The following PTPRT variants were observed in gnomAD, a reference collection of about 807,000 sequenced individuals.
PTPRT encodes the protein protein tyrosine phosphatase receptor type T.
Under a neutral mutation model 176.8 loss-of-function variants are expected in PTPRT, and 56 were observed. The ratio of observed to expected loss-of-function variants is 0.32; its 90% CI spans 0.26 to 0.40. The LOEUF (loss-of-function observed/expected upper bound fraction) is 0.40, where lower values mean the gene tolerates loss of function less well. Among genes scored for constraint, PTPRT ranks in the 10% least tolerant of loss-of-function variants. The pLI, the probability that PTPRT is intolerant of heterozygous loss-of-function variation, is 1.00. For synonymous variants in PTPRT, 783 were observed against 739.0 expected (o/e 1.06, Z -0.96); for missense variants, 1,540 against 1,908.2 (o/e 0.81, Z 3.60).
intron 1 of PTPRT, among the ~76,000 whole-genome samples, chr20:43,134,291 AC>A (rs1262704653): frequency 6.6e-6 from 1 of 152,198 alleles, no homozygotes; most frequent in Non-Finnish European, 1.5e-5. Context: ...AGGCTTCTGA[AC>A]CTTTTCCTTG....
At chr20:42,690,583 C>T (rs2075777402) in intron 6 of PTPRT, among the ~76,000 whole-genome samples, 1 of 152,198 alleles carries the variant, frequency 6.6e-6, no homozygotes, top group South Asian at 2.1e-4. Flanking sequence ...AATGCCTGCG[C>T]AGCCCACATA....
intron 9 of PTPRT, among the ~76,000 whole-genome samples, chr20:42,370,558 C>G (rs1241466154): frequency 6.6e-6 from 1 of 152,148 alleles, no homozygotes; most frequent in African/African-American, 2.4e-5. Flanking sequence ...AGCTTTGAGA[C>G]TTTGGGCAAG....
the PTPRT span, among the ~76,000 whole-genome samples, chr20:42,040,122 C>T: frequency 2.8e-3 from 422 of 151,998 alleles, no homozygotes; most frequent in Non-Finnish European, 4.4e-3. Flanking sequence ...TGTCTTGTTG[C>T]TAATATCCAT....
intron 2 of PTPRT, among the ~76,000 whole-genome samples, chr20:42,810,810 T>C (rs2077687282): frequency 6.6e-6 from 1 of 152,336 alleles, no homozygotes; most frequent in African/African-American, 2.4e-5. Flanking sequence ...ACTTCCACCA[T>C]AGAAGTCTTT....
At chr20:42,980,878 G>A (rs1317633143) in intron 1 of PTPRT, among the ~76,000 whole-genome samples, 2 of 152,144 alleles carry the variant, frequency 1.3e-5, no homozygotes, top group East Asian at 3.8e-4. Flanking sequence ...CTTTCTCAAG[G>A]ACCTGGGAAG....
At chr20:43,091,001 C>T (rs534197177) in intron 1 of PTPRT, among the ~76,000 whole-genome samples, 14 of 152,230 alleles carry the variant, frequency 9.2e-5, no homozygotes, top group African/African-American at 2.6e-4. Flanking sequence ...GAGGCCGAGG[C>T]GGGCAGATCA....
chr20:42,563,063 A>T (rs2072978919), intron 7 of PTPRT, among the ~76,000 whole-genome samples: 1 of 152,230 alleles, frequency 6.6e-6, no homozygotes, highest in African/African-American at 2.4e-5. Flanking sequence ...AATAAAAATT[A>T]AAAACATCTC....
intron 7 of PTPRT, among the ~76,000 whole-genome samples, chr20:42,569,832 C>T (rs141532022): frequency 1.2e-4 from 18 of 152,280 alleles, no homozygotes; most frequent in African/African-American, 4.3e-4. Context: ...CATTTAGCCA[C>T]ATTTATGAGC....
At chr20:42,223,885 C>A (rs2146802076) in intron 15 of PTPRT, among the ~76,000 whole-genome samples, 1 of 152,226 alleles carries the variant, frequency 6.6e-6, no homozygotes, top group African/African-American at 2.4e-5. Context: ...CAGAATAAGC[C>A]TTCTTTAGTC....
At chr20:42,648,523 A>G (rs1365867069) in intron 7 of PTPRT, among the ~76,000 whole-genome samples, 1 of 152,112 alleles carries the variant, frequency 6.6e-6, no homozygotes, top group Non-Finnish European at 1.5e-5. Flanking sequence ...AGCTGCCCAC[A>G]TGAAGAGTTG....
chr20:42,091,577 C>T (rs1984623904), intron 27 of PTPRT, among the ~76,000 whole-genome samples: 1 of 152,146 alleles, frequency 6.6e-6, no homozygotes, highest in Non-Finnish European at 1.5e-5. Flanking sequence ...AGAAATCAAT[C>T]CCAGGCCACC....
At chr20:42,375,763 T>C (rs1383953291) in intron 9 of PTPRT, among the ~76,000 whole-genome samples, 1 of 152,080 alleles carries the variant, frequency 6.6e-6, no homozygotes, top group Non-Finnish European at 1.5e-5. Context: ...TAAAAGGAAG[T>C]GAATGATAGA....
At chr20:42,681,113 T>C (rs1439861468) in intron 6 of PTPRT, among the ~76,000 whole-genome samples, 2 of 152,208 alleles carry the variant, frequency 1.3e-5, no homozygotes, top group Non-Finnish European at 2.9e-5. Flanking sequence ...AGCAAAAATA[T>C]AGCACAGAAT....
intron 27 of PTPRT, among the ~76,000 whole-genome samples, chr20:42,095,863 A>T (rs1242990727): frequency 2.0e-5 from 3 of 151,740 alleles, no homozygotes; most frequent in African/African-American, 7.3e-5. Context: ...GAATCAATAG[A>T]CTCTCTCCGG....
At chr20:42,372,654 C>T (rs1422052283) in intron 9 of PTPRT, among the ~76,000 whole-genome samples, 1 of 151,980 alleles carries the variant, frequency 6.6e-6, no homozygotes, top group Non-Finnish European at 1.5e-5. Context: ...TTTGAAAGTC[C>T]CCCCAAATTC....
chr20:42,852,708 A>AC (rs1401408088), intron 2 of PTPRT, among the ~76,000 whole-genome samples: 1 of 152,020 alleles, frequency 6.6e-6, no homozygotes, highest in African/African-American at 2.4e-5. Context: ...CAGCCTAGAT[A>AC]CCTCCTCTAT....
intron 1 of PTPRT, among the ~76,000 whole-genome samples, chr20:42,990,436 C>G (rs1024603259): frequency 2.0e-5 from 3 of 151,636 alleles, no homozygotes; most frequent in African/African-American, 7.3e-5. Context: ...TGTTTTGTTT[C>G]GAAGGGAGAA....
At chr20:42,183,897 A>G (rs1990621908) in intron 16 of PTPRT, among the ~76,000 whole-genome samples, 1 of 152,160 alleles carries the variant, frequency 6.6e-6, no homozygotes, top group Non-Finnish European at 1.5e-5. Context: ...GAAGACAGCT[A>G]TCATGCAAGA....
At chr20:42,304,779 T>G (rs1031061339) in intron 12 of PTPRT, among the ~76,000 whole-genome samples, 2 of 152,226 alleles carry the variant, frequency 1.3e-5, no homozygotes, top group Admixed American at 6.5e-5. Flanking sequence ...AATTGAGTGT[T>G]TGAGCAAAAA....
Sources: allele counts gnomAD v4.1 joint callset (sites outside exome capture counted in the v4.1 genomes callset), GRCh38; gene constraint gnomAD v4.1.1; transcripts MANE v1.5; gene names NCBI Gene and HGNC (gene_info 2026-07-23, HGNC 2026-07-21).